The following ZNF558 variants were observed in gnomAD, a reference collection of about 807,000 sequenced individuals.
ZNF558 encodes zinc finger protein 558.
ZNF558 carries 23 observed loss-of-function variants against 37.6 expected under a neutral mutation model. That is an observed-to-expected ratio of 0.61 (90% CI 0.44 to 0.87). The LOEUF (loss-of-function observed/expected upper bound fraction) is 0.87, where lower values mean the gene tolerates loss of function less well. Among genes scored for constraint, ZNF558 ranks in the 40% least tolerant of loss-of-function variants. The probability of loss-of-function intolerance (pLI) is 0.00; values close to 1 mark genes in which losing one functional copy is unlikely to be tolerated. For synonymous variants in ZNF558, 189 were observed against 174.4 expected (o/e 1.08, Z -0.66); for missense variants, 429 against 483.7 (o/e 0.89, Z 1.06).
intron 7 of ZNF558, among the ~76,000 whole-genome samples, chr19:8,815,785 G>A (rs374437746): frequency 2.6e-5 from 4 of 151,616 alleles, no homozygotes; most frequent in African/African-American, 9.7e-5. Context: ...GTGAGAACCT[G>A]TCTCAAAGAT....
chr19:8,827,571 C>CTTTTTTTTT (rs386388513), intron 2 of ZNF558, among the ~76,000 whole-genome samples: 7 of 94,076 alleles, frequency 7.4e-5, no homozygotes, highest in Non-Finnish European at 1.2e-4. Context: ...TTTCCCTATT[C>CTTTTTTTTT]TTTTTTTTTT....
In ZNF558 at chr19:8,807,721, C is replaced by A. The variant is rs534549823; in HGVS notation, c.*3560G>T. ...TATATAAAATTATTATTCCCAACCC[C>A]CCTTAACTCTCCTAAAATGCTTTTT... On this transcript the variant is annotated 3_prime_UTR_variant, in exon 10 of 10. Transcript: ENST00000601372. 6.6e-6 allele frequency: 1 copy of A among 152,280 alleles called. No homozygotes were observed. The highest frequency in any genetic ancestry group is 2.1e-4 in the South Asian group (1 of 4,824). The allele number at this position is 152,280 out of a possible 1,614,324, so 9.4% of individuals were successfully genotyped here.
rs1039160633 is a variant in ZNF558, at chr19:8,809,750, C to T, written c.*1531G>A. On this transcript the variant is annotated 3_prime_UTR_variant, in exon 10 of 10. Transcript: ENST00000601372. ...ATGTTTATTTTAGGGAACAGCTATA[C>T]ACAAATGTTTATATTAAAAGAAAAA... 4.6e-5 allele frequency: 7 copies of T among 151,986 alleles called. No individual in the cohort carries two copies. The highest frequency in any genetic ancestry group is 8.8e-5 in the Non-Finnish European group (6 of 68,002). The allele number at this position is 151,986 out of a possible 1,614,324, so 9.4% of individuals were successfully genotyped here.
chr19:8,811,012 T>A lies in ZNF558; in HGVS notation c.*269A>T, dbSNP rs2043772682. On this transcript the variant is annotated 3_prime_UTR_variant, in exon 10 of 10. Transcript: ENST00000601372. ...GAAGTGGACTGTTCATCAGTAAAGA[T>A]GTTAGATGACTATAGCTTTGGCTGA... The A allele has an allele frequency of 2.9e-6, 1 of 345,756 alleles. No individual in the cohort carries two copies. The highest frequency in any genetic ancestry group is 5.3e-6 in the Non-Finnish European group (1 of 189,832). 21.4% of individuals were successfully genotyped at this position (345,756 alleles called of 1,614,324 possible).
chr19:8,810,437 C>T lies in ZNF558; in HGVS notation c.*844G>A, dbSNP rs1052882408. 4 of 152,316 alleles carry T rather than the reference C, an allele frequency of 2.6e-5. No individual in the cohort carries two copies. The highest frequency in any genetic ancestry group is 4.4e-5 in the Non-Finnish European group (3 of 68,042). 9.4% of individuals were successfully genotyped at this position (152,316 alleles called of 1,614,324 possible). ...CTTAGTGTGAGCTGTCACATGAATC[C>T]CTGCTGATAGCACTGAAGGCTTTCT... On this transcript the variant is annotated 3_prime_UTR_variant, in exon 10 of 10. Transcript: ENST00000601372.
rs201192453 is a variant in ZNF558 at position 8,822,688 on chromosome 19, C to T, written c.-29G>A. 1.2e-4 allele frequency: 199 copies of T among 1,614,018 alleles called. No individual in the cohort carries two copies. Among genetic ancestry groups the T allele is most frequent in the Middle Eastern group, 8.3e-4 (5 of 6,060 alleles). ...GTGACTCCGACAGCAACAGGGCAGC[C>T]GGGAAGCAGGACGCTCCTCCTTTAT... is the stretch of plus-strand genomic sequence containing the variant. On this transcript the variant is annotated 5_prime_UTR_variant, in exon 5 of 10. Coordinates refer to ENST00000601372, the MANE Select transcript of ZNF558 (RefSeq NM_144693.3). This position sits in a 1 kb window ranked among gnomAD's most constrained non-coding sequence, Gnocchi z 4.4.
Position 8,811,207 on chromosome 19 carries a change from A to C in ZNF558, c.*74T>G. Reference sequence around the variant, plus strand: ...GCTGCAACAAATAACTTATATATCCAGTGTGAGCTCTCTCAAACTATCTTA... The same window carrying C: ...GCTGCAACAAATAACTTATATATCCCGTGTGAGCTCTCTCAAACTATCTTA... On this transcript the variant is annotated 3_prime_UTR_variant, in exon 10 of 10. Coordinates refer to ENST00000601372, the MANE Select transcript of ZNF558 (RefSeq NM_144693.3). 6.9e-7 allele frequency: 1 copy of C among 1,442,454 alleles called. No homozygotes were observed. The highest frequency in any genetic ancestry group is 9.3e-7 in the Non-Finnish European group (1 of 1,073,176). The allele number at this position is 1,442,454 out of a possible 1,614,324, so 89.4% of individuals were successfully genotyped here.
rs1555766633 is a variant in ZNF558, at chr19:8,808,659, G to C, written c.*2622C>G. The C allele has an allele frequency of 6.6e-6, 1 of 152,156 alleles. No homozygotes were observed. The highest frequency in any genetic ancestry group is 1.5e-5 in the Non-Finnish European group (1 of 68,028). 9.4% of individuals were successfully genotyped at this position (152,156 alleles called of 1,614,324 possible). A position where few individuals can be genotyped will look rare whatever the true frequency, so the allele number is the denominator to read the frequency against. ...CAAAGAAACAACATGGGTAAAACTT[G>C]ACCAATTTATAGGTTTACCAGTTAG... is the stretch of plus-strand genomic sequence containing the variant. On this transcript the variant is annotated 3_prime_UTR_variant, in exon 10 of 10. Coordinates refer to ENST00000601372, the MANE Select transcript of ZNF558 (RefSeq NM_144693.3).
At position 8,807,429 on chromosome 19, in the gene ZNF558, C is replaced by G. The variant is rs1555766432; in HGVS notation, c.*3852G>C. 1 of 152,334 alleles carries G rather than the reference C, an allele frequency of 6.6e-6. No individual in the cohort carries two copies. Among genetic ancestry groups the G allele is most frequent in the Non-Finnish European group, 1.5e-5 (1 of 68,152 alleles). 9.4% of individuals were successfully genotyped at this position (152,334 alleles called of 1,614,324 possible). A position where few individuals can be genotyped will look rare whatever the true frequency, so the allele number is the denominator to read the frequency against. ...ACCTGAGTTCCTGCTGGGACCCTGA[C>G]TGATGTGCCAACTCACTGAAATAAG... On this transcript the variant is annotated 3_prime_UTR_variant, in exon 10 of 10. Coordinates refer to ENST00000601372, the MANE Select transcript of ZNF558 (RefSeq NM_144693.3).
rs1394084132 is a variant in ZNF558 at position 8,831,324 on chromosome 19, A to C, written c.-515T>G. ...GGTTCCACACTGTACTCACCTGGTC[A>C]CCCAAAAACCCACAACAACAGGTGG... On this transcript the variant is annotated 5_prime_UTR_variant, in exon 2 of 10. Coordinates refer to ENST00000601372, the MANE Select transcript of ZNF558 (RefSeq NM_144693.3). 2.0e-5 allele frequency: 3 copies of C among 151,704 alleles called. No individual in the cohort carries two copies. Among genetic ancestry groups the C allele is most frequent in the African/African-American group, 7.3e-5 (3 of 41,350 alleles). The allele number at this position is 151,704 out of a possible 1,614,324, so 9.4% of individuals were successfully genotyped here.
chr19:8,816,427 A>G (rs2043942084), intron 7 of ZNF558, among the ~76,000 whole-genome samples: 1 of 152,176 alleles, frequency 6.6e-6, no homozygotes, highest in African/African-American at 2.4e-5. Flanking sequence ...CAAGACGGAG[A>G]TGACTTATGA....
intron 9 of ZNF558, 50 bp from the exon 10 acceptor site, chr19:8,812,113 C>T (rs781869875): frequency 2.9e-6 from 4 of 1,383,964 alleles, no homozygotes; most frequent in Middle Eastern, 2.1e-4. Flanking sequence ...ATTTGAAATA[C>T]TTAATGTTCT....
chr19:8,835,178 A>G (rs1321470182), upstream of ZNF558, among the ~76,000 whole-genome samples: 1 of 152,094 alleles, frequency 6.6e-6, no homozygotes, highest in Non-Finnish European at 1.5e-5. Flanking sequence ...CAGCCTCCCA[A>G]GTAGCTGGGA....
upstream of ZNF558, among the ~76,000 whole-genome samples, chr19:8,833,924 G>T (rs1156433830): frequency 6.6e-6 from 1 of 152,076 alleles, no homozygotes; most frequent in Admixed American, 6.6e-5. Context: ...GGAGGTGGAG[G>T]TTGAAGTGAG....
At chr19:8,835,827 G>A (rs1175184748), upstream of ZNF558, among the ~76,000 whole-genome samples, 1 of 152,064 alleles carries the variant, frequency 6.6e-6, no homozygotes, top group African/African-American at 2.4e-5. Flanking sequence ...TCCACACAAC[G>A]GATTATTATT....
intron 7 of ZNF558, 120 bp downstream of exon 7, chr19:8,821,060 A>T: frequency 7.0e-7 from 1 of 1,430,284 alleles, no homozygotes; most frequent in Non-Finnish European, 9.3e-7. Flanking sequence ...ATATCTTAGA[A>T]TGGTTAAAAA....
chr19:8,825,480 T>C (rs1030754209), intron 2 of ZNF558, among the ~76,000 whole-genome samples: 2 of 152,038 alleles, frequency 1.3e-5, no homozygotes, highest in African/African-American at 2.4e-5. Flanking sequence ...AAAAGATTTC[T>C]AGGTATTCAG....
At chr19:8,815,795 TAAAG>T (rs200231865) in intron 7 of ZNF558, among the ~76,000 whole-genome samples, 6 of 147,254 alleles carry the variant, frequency 4.1e-5, no homozygotes, top group Admixed American at 3.4e-4. Context: ...GTCTCAAAGA[TAAAG>T]AGAGAGAGAG....
intron 7 of ZNF558, 22 bp from the exon 8 acceptor site, chr19:8,813,244 A>G: frequency 6.4e-7 from 1 of 1,551,858 alleles, no homozygotes; most frequent in Admixed American, 1.9e-5. Context: ...AACAATACAC[A>G]TGATATAGGT....
Sources: gnomAD v4.1 joint callset for allele counts (sites outside exome capture counted in the v4.1 genomes callset) on GRCh38, gnomAD v4.1.1 for gene constraint, Gnocchi (gnomAD v3.1) non-coding constraint, MANE v1.5 for transcripts, NCBI Gene and HGNC (gene_info 2026-07-23, HGNC 2026-07-21) for gene names.